Variants in DIAPH3 observed in about 807,000 individuals in gnomAD.
DIAPH3 encodes the protein diaphanous related formin 3.
In DIAPH3, 117 loss-of-function variants were observed where a neutral mutation model predicts 144.3. The observed-to-expected ratio is 0.81, with a 90% CI of 0.70 to 0.95. The LOEUF is 0.95. Ranked by LOEUF, DIAPH3 falls within the 40% of genes least tolerant of loss-of-function variation. The pLI, the probability that DIAPH3 is intolerant of heterozygous loss-of-function variation, is 0.00. For missense variants in DIAPH3, 1,421 were observed against 1,412.7 expected (o/e 1.01, Z -0.09); for synonymous variants, 519 against 488.9 (o/e 1.06, Z -0.81).
intron 25 of DIAPH3, among the ~76,000 whole-genome samples, chr13:59,791,748 A>G (rs922077705): frequency 2.0e-5 from 3 of 152,152 alleles, no homozygotes; most frequent in Admixed American, 6.5e-5. Flanking sequence ...CGTTTCCCCA[A>G]ATTCGACGGG....
chr13:60,091,826 A>T (rs1485722518), intron 4 of DIAPH3, among the ~76,000 whole-genome samples: 1 of 151,882 alleles, frequency 6.6e-6, no homozygotes, highest in African/African-American at 2.4e-5. Flanking sequence ...TGAAATAAAC[A>T]ATTTAATTTT....
At chr13:59,837,980 T>C (rs2042128970) in intron 23 of DIAPH3, 1 of 152,104 alleles carries the variant, frequency 6.6e-6, no homozygotes, top group African/African-American at 2.4e-5. Flanking sequence ...GCTGAAAGCA[T>C]ATACAATAAA....
chr13:60,103,206 G>A (rs886421224), intron 3 of DIAPH3, among the ~76,000 whole-genome samples: 1 of 151,908 alleles, frequency 6.6e-6, no homozygotes, highest in African/African-American at 2.4e-5. Context: ...CATGCAACTC[G>A]TTGGAGCACT....
chr13:60,084,098 T>C (rs1269677942), intron 4 of DIAPH3, among the ~76,000 whole-genome samples: 1 of 151,844 alleles, frequency 6.6e-6, no homozygotes, highest in Non-Finnish European at 1.5e-5. Context: ...CACTTTTGAG[T>C]GATAAAACTA....
At chr13:59,808,758 T>C (rs1265273020) in intron 25 of DIAPH3, among the ~76,000 whole-genome samples, 1 of 152,140 alleles carries the variant, frequency 6.6e-6, no homozygotes, top group Admixed American at 6.5e-5. Context: ...ACATGAAACA[T>C]TCAAAAGTTC....
At chr13:59,992,630 GA>G in intron 9 of DIAPH3, 47 bp from the exon 10 acceptor site, 1 of 1,441,136 alleles carries the variant, frequency 6.9e-7, no homozygotes, top group Non-Finnish European at 9.7e-7. Context: ...CAACATTAAA[GA>G]AAGAGTAACA....
intron 20 of DIAPH3, among the ~76,000 whole-genome samples, chr13:59,884,618 G>A (rs2045313750): frequency 6.6e-6 from 1 of 152,088 alleles, no homozygotes; most frequent in African/African-American, 2.4e-5. Flanking sequence ...AGAAAGTAAT[G>A]TGATCTAATA....
chr13:59,888,392 T>C (rs892396620), intron 20 of DIAPH3, among the ~76,000 whole-genome samples: 2 of 152,088 alleles, frequency 1.3e-5, no homozygotes, highest in Non-Finnish European at 2.9e-5. Context: ...TTTCAGTTGT[T>C]TATAATCCAT....
At chr13:59,748,072 G>A (rs538546108) in intron 27 of DIAPH3, among the ~76,000 whole-genome samples, 5 of 152,180 alleles carry the variant, frequency 3.3e-5, no homozygotes, top group Non-Finnish European at 4.4e-5. Context: ...GAAGACTATG[G>A]AACAGAGACA....
At chr13:60,042,148 A>T (rs2141191856) in intron 5 of DIAPH3, among the ~76,000 whole-genome samples, 1 of 152,234 alleles carries the variant, frequency 6.6e-6, no homozygotes, top group Admixed American at 6.5e-5. Context: ...CACCTATGGT[A>T]TTGTTTTCAG....
chr13:59,814,535 A>C (rs1294310376), intron 24 of DIAPH3, among the ~76,000 whole-genome samples: 4 of 152,192 alleles, frequency 2.6e-5, no homozygotes, highest in Non-Finnish European at 4.4e-5. Context: ...AAATGTTAAG[A>C]AGTAAAAGTA....
intron 27 of DIAPH3, among the ~76,000 whole-genome samples, chr13:59,680,162 T>C (rs2032863588): frequency 6.6e-6 from 1 of 152,152 alleles, no homozygotes; most frequent in Non-Finnish European, 1.5e-5. Context: ...CCCCAAAATA[T>C]TTAAGAAACA....
chr13:60,067,490 C>T (rs903205100), intron 4 of DIAPH3, among the ~76,000 whole-genome samples: 2 of 151,954 alleles, frequency 1.3e-5, no homozygotes, highest in African/African-American at 2.4e-5. Flanking sequence ...TACAGATAGC[C>T]GACCCCTTGC....
At chr13:59,736,547 T>A (rs2453863) in intron 27 of DIAPH3, among the ~76,000 whole-genome samples, 98,958 of 152,040 alleles carry the variant, frequency 0.65, 32,667 homozygotes, top group East Asian at 0.72. Context: ...TGCATGTATG[T>A]CTTCTTTTGA....
At chr13:60,113,918 G>T (rs2058635158) in intron 2 of DIAPH3, among the ~76,000 whole-genome samples, 1 of 152,208 alleles carries the variant, frequency 6.6e-6, no homozygotes, top group South Asian at 2.1e-4. Context: ...TTCACCAACT[G>T]AATGCGGTAG....
chr13:59,877,875 C>T (rs553343154), intron 21 of DIAPH3, among the ~76,000 whole-genome samples: 3 of 152,064 alleles, frequency 2.0e-5, no homozygotes, highest in Admixed American at 6.6e-5. Context: ...CTGCTTAGAA[C>T]GCCTTTTCCT....
At chr13:59,814,136 A>G (rs1408120127) in intron 24 of DIAPH3, among the ~76,000 whole-genome samples, 1 of 152,152 alleles carries the variant, frequency 6.6e-6, no homozygotes, top group Non-Finnish European at 1.5e-5. Context: ...AAGGTATAAC[A>G]TTTTCTGATG....
At chr13:60,082,651 T>C (rs1246138208) in intron 4 of DIAPH3, among the ~76,000 whole-genome samples, 1 of 151,944 alleles carries the variant, frequency 6.6e-6, no homozygotes, top group African/African-American at 2.4e-5. Context: ...GACTAAACAA[T>C]AAAGGGCATA....
In DIAPH3 at chr13:60,129,846, T is replaced by C. The variant is rs188284413; in HGVS notation, c.213+3111A>G. 2.3e-3 allele frequency among the ~76,000 whole-genome samples: 348 copies of C among 152,342 alleles called. 3 individuals carry two copies. The highest frequency in any genetic ancestry group is 8.1e-3 in the African/African-American group (335 of 41,584). On this transcript the variant is annotated intron_variant, in intron 2 of 27. Transcript: ENST00000400324. ...TTAAAGAGCCCTCAAAATATCCAGCTACCCTTTCCCTTCTCACAACTCTGC... is the reference window on the plus strand; with the variant it reads ...TTAAAGAGCCCTCAAAATATCCAGCCACCCTTTCCCTTCTCACAACTCTGC...
Sources: allele counts gnomAD v4.1 joint callset (sites outside exome capture counted in the v4.1 genomes callset), GRCh38; gene constraint gnomAD v4.1.1; transcripts MANE v1.5; gene names NCBI Gene and HGNC (gene_info 2026-07-23, HGNC 2026-07-21).